The following SYN2 variants were observed in gnomAD, a reference collection of about 807,000 sequenced individuals.
SYN2 encodes the protein synapsin-2.
SYN2 carries 19 observed loss-of-function variants against 50.9 expected under a neutral mutation model. The ratio of observed to expected loss-of-function variants is 0.37; its 90% CI spans 0.26 to 0.55. The LOEUF (loss-of-function observed/expected upper bound fraction) is 0.55. Ranked by LOEUF, SYN2 falls within the 20% of genes least tolerant of loss-of-function variation. SYN2 has a pLI of 0.81. For missense variants in SYN2, 587 were observed against 576.4 expected, an observed-to-expected ratio of 1.02 and a Z score of -0.19; for synonymous variants, 255 against 224.9, an observed-to-expected ratio of 1.13 and a Z score of -1.20.
chr3:12,078,932 G>A (rs777927081), intron 1 of SYN2, among the ~76,000 whole-genome samples: 2 of 152,022 alleles, frequency 1.3e-5, no homozygotes, highest in African/African-American at 4.8e-5. Flanking sequence ...CTTCCTGTCC[G>A]TGAACATGGG....
chr3:12,130,137 T>G (rs1696762210), intron 1 of SYN2, among the ~76,000 whole-genome samples: 2 of 152,052 alleles, frequency 1.3e-5, no homozygotes, highest in Admixed American at 6.6e-5. Context: ...CCCAAGTGTG[T>G]GTGTGTGTGT....
chr3:12,012,489 C>T (rs1177936656), intron 1 of SYN2, among the ~76,000 whole-genome samples: 1 of 152,214 alleles, frequency 6.6e-6, no homozygotes. Context: ...TCTTCCCTAA[C>T]ACGTAGTTGC....
chr3:12,183,177 C>G, intron 10 of SYN2, 135 bp from the exon 11 acceptor site: 1 of 1,250,106 alleles, frequency 8.0e-7, no homozygotes, highest in South Asian at 1.6e-5. Flanking sequence ...CAGCAGAAGC[C>G]TATGGCCAGA....
At chr3:12,043,660 ATGAC>A (rs1235847490) in intron 1 of SYN2, among the ~76,000 whole-genome samples, 2 of 152,180 alleles carry the variant, frequency 1.3e-5, no homozygotes, top group African/African-American at 2.4e-5. Context: ...GGCCCTCAGA[ATGAC>A]TGGGCATAAA....
At chr3:12,071,248 T>G (rs1695347539) in intron 1 of SYN2, 2 of 554,540 alleles carry the variant, frequency 3.6e-6, no homozygotes, top group Non-Finnish European at 7.3e-6. Flanking sequence ...GCGCAAGTAC[T>G]CTGTGTGGAT....
intron 1 of SYN2, among the ~76,000 whole-genome samples, chr3:12,052,723 C>T (rs1413354888): frequency 6.6e-6 from 1 of 152,132 alleles, no homozygotes; most frequent in East Asian, 1.9e-4. Flanking sequence ...CAAGATTACC[C>T]ATAGGAGCCA....
intron 1 of SYN2, among the ~76,000 whole-genome samples, chr3:12,019,687 G>C (rs1310610529): frequency 6.6e-6 from 1 of 152,072 alleles, no homozygotes; most frequent in Non-Finnish European, 1.5e-5. Flanking sequence ...TCCTTATTAA[G>C]GTCATATATT....
At chr3:12,008,168 C>A (rs1175019580) in intron 1 of SYN2, among the ~76,000 whole-genome samples, 1 of 152,168 alleles carries the variant, frequency 6.6e-6, no homozygotes, top group Non-Finnish European at 1.5e-5. Flanking sequence ...CGTTTTCTCT[C>A]AGATTCTGTC....
Position 12,040,278 on chromosome 3 carries a change from A to T in SYN2, c.377+35350A>T, listed in dbSNP as rs537153143. Among the ~76,000 whole-genome samples the T allele has an allele frequency of 2.0e-5, 3 of 152,278 alleles. No homozygotes were observed. In the South Asian group the frequency reaches 6.2e-4, roughly 32 times the overall value. On this transcript the variant is annotated intron_variant, in intron 1 of 12. Transcript: ENST00000621198. Reference sequence around the variant, plus strand: ...TGAAAGTGGATTTCAGAGTGGTAATAGGAGGCAGGAGGTCTTTGGATTAAT... The same window carrying T: ...TGAAAGTGGATTTCAGAGTGGTAATTGGAGGCAGGAGGTCTTTGGATTAAT...
intron 1 of SYN2, among the ~76,000 whole-genome samples, chr3:12,069,395 C>T (rs888964426): frequency 6.6e-6 from 1 of 152,200 alleles, no homozygotes; most frequent in Admixed American, 6.5e-5. Flanking sequence ...ATTACAGGCA[C>T]ATGCCACCAC....
intron 1 of SYN2, chr3:12,070,628 C>A (rs1052803046): frequency 8.0e-6 from 11 of 1,374,682 alleles, no homozygotes; most frequent in Non-Finnish European, 9.9e-6. Flanking sequence ...ACACCCTGTC[C>A]ATGTACGTGG....
At chr3:12,122,438 C>T (rs1189970686) in intron 1 of SYN2, among the ~76,000 whole-genome samples, 1 of 152,134 alleles carries the variant, frequency 6.6e-6, no homozygotes, top group Non-Finnish European at 1.5e-5. Context: ...GGATATCTGT[C>T]TTGGTAACGC....
chr3:12,158,796 C>A, intron 5 of SYN2: 1 of 1,603,050 alleles, frequency 6.2e-7, no homozygotes, highest in Non-Finnish European at 8.5e-7. Context: ...CCAGCAGCCG[C>A]AGCAACAGCA....
intron 1 of SYN2, among the ~76,000 whole-genome samples, chr3:12,096,150 C>T (rs192250501): frequency 1.1e-4 from 16 of 152,328 alleles, no homozygotes; most frequent in African/African-American, 3.8e-4. Context: ...CTCATGTCAT[C>T]CATTTCTCCT....
At chr3:12,109,615 C>T (rs1375562726) in intron 1 of SYN2, among the ~76,000 whole-genome samples, 1 of 152,136 alleles carries the variant, frequency 6.6e-6, no homozygotes, top group Non-Finnish European at 1.5e-5. Flanking sequence ...CTTCCTTCCC[C>T]AACACACCTT....
intron 3 of SYN2, 63 bp downstream of exon 3, chr3:12,142,059 A>T (rs1357124649): frequency 2.6e-6 from 2 of 772,082 alleles, no homozygotes; most frequent in Non-Finnish European, 4.8e-6. Flanking sequence ...CTCTGGCCCA[A>T]AGAGGTGGTT....
chr3:12,049,536 A>AAAAAAT (rs1469458105), intron 1 of SYN2, among the ~76,000 whole-genome samples: 1 of 150,754 alleles, frequency 6.6e-6, no homozygotes, highest in Non-Finnish European at 1.5e-5. Context: ...AAAAAATAAT[A>AAAAAAT]AAAAATAAAA....
At chr3:12,136,254 T>G (rs1194735434) in intron 1 of SYN2, among the ~76,000 whole-genome samples, 1 of 152,232 alleles carries the variant, frequency 6.6e-6, no homozygotes, top group African/African-American at 2.4e-5. Flanking sequence ...TTTCCAAAAC[T>G]TTCATGTCAT....
At chr3:12,183,624 T>G (rs1698273468) in intron 11 of SYN2, 1 of 1,436,756 alleles carries the variant, frequency 7.0e-7, no homozygotes, top group Non-Finnish European at 9.0e-7. Context: ...TTCCTGTTCG[T>G]GCTTGTAATG....
Sources: gnomAD v4.1 joint callset for allele counts (sites outside exome capture counted in the v4.1 genomes callset) on GRCh38, gnomAD v4.1.1 for gene constraint, MANE v1.5 for transcripts, NCBI Gene and HGNC (gene_info 2026-07-23, HGNC 2026-07-21) for gene names.